CEP43: variants seen among roughly 807,000 people sequenced by gnomAD.
The protein encoded by CEP43 is FGFR1 oncogene partner.
A neutral mutation model predicts 52.6 loss-of-function variants in CEP43; 36 were observed. The observed-to-expected ratio is 0.68, with a 90% CI of 0.52 to 0.90. CEP43 has a LOEUF of 0.90. Among genes scored for constraint, CEP43 ranks in the 40% least tolerant of loss-of-function variants. The pLI is 0.00. For synonymous variants in CEP43, 192 were observed against 172.4 expected, an observed-to-expected ratio of 1.11 and a Z score of -0.89; for missense variants, 506 against 472.8, an observed-to-expected ratio of 1.07 and a Z score of -0.65.
chr6:167,031,390 A>C (rs78566491), intron 10 of CEP43, among the ~76,000 whole-genome samples: 1 of 152,148 alleles, frequency 6.6e-6, no homozygotes, highest in Non-Finnish European at 1.5e-5. Flanking sequence ...GGTTTGTTCC[A>C]CTGTTCCTCT....
chr6:167,002,564 G>A (rs1562522171), intron 2 of CEP43, among the ~76,000 whole-genome samples: 1 of 152,158 alleles, frequency 6.6e-6, no homozygotes, highest in Admixed American at 6.5e-5. Context: ...GTCCAAACTC[G>A]TTATGCCATT....
chr6:167,041,384 A>T lies in CEP43; in HGVS notation c.*1406A>T, dbSNP rs969545607. 113 of 1,060,786 alleles carry T rather than the reference A, an allele frequency of 1.1e-4. No individual in the cohort carries two copies. Among genetic ancestry groups the T allele is most frequent in the Non-Finnish European group, 1.2e-4 (106 of 876,426 alleles). 65.7% of individuals were successfully genotyped at this position (1,060,786 alleles called of 1,614,324 possible). A position where few individuals can be genotyped will look rare whatever the true frequency, so the allele number is the denominator to read the frequency against. ...AGTAGGACATAAACTGGGCCGGTAC[A>T]GCCTGGGAGCCCTGTGTATTTCTGC... On this transcript the variant is annotated 3_prime_UTR_variant, in exon 13 of 13. Transcript: ENST00000366847.
Position 167,044,872 on chromosome 6 carries a change from G to C in CEP43, c.*4894G>C, listed in dbSNP as rs1349900793. Reference sequence around the variant, plus strand: ...GGCAAGGTTTGCCCTCTGCACACCAGACCGGCTTCCCAAGAACCGGGGAAG... The same window carrying C: ...GGCAAGGTTTGCCCTCTGCACACCACACCGGCTTCCCAAGAACCGGGGAAG... On this transcript the variant is annotated 3_prime_UTR_variant, in exon 13 of 13. Coordinates refer to ENST00000366847, the MANE Select transcript of CEP43 (RefSeq NM_007045.4). 6.6e-6 allele frequency: 1 copy of C among 152,468 alleles called. No individual in the cohort carries two copies. Among genetic ancestry groups the C allele is most frequent in the East Asian group, 1.9e-4 (1 of 5,194 alleles). 9.4% of individuals were successfully genotyped at this position (152,468 alleles called of 1,614,324 possible). A position where few individuals can be genotyped will look rare whatever the true frequency, so the allele number is the denominator to read the frequency against.
intron 5 of CEP43, among the ~76,000 whole-genome samples, chr6:167,010,538 A>G (rs1245467561): frequency 6.6e-6 from 1 of 152,194 alleles, no homozygotes; most frequent in Non-Finnish European, 1.5e-5. Flanking sequence ...AAATCCTGGA[A>G]TGGTAGACCT....
intron 5 of CEP43, among the ~76,000 whole-genome samples, chr6:167,007,509 G>T (rs773462087): frequency 6.6e-6 from 1 of 152,004 alleles, no homozygotes; most frequent in Non-Finnish European, 1.5e-5. Flanking sequence ...TTAATAGTTT[G>T]TGCATATGTA....
intron 6 of CEP43, among the ~76,000 whole-genome samples, chr6:167,011,238 A>G (rs148732132): frequency 8.5e-5 from 13 of 152,208 alleles, no homozygotes; most frequent in Non-Finnish European, 1.6e-4. Flanking sequence ...TAAGCTAGAA[A>G]TATGTATTAT....
Position 167,024,847 on chromosome 6 carries a change from G to A in CEP43, c.872G>A (p.Ser291Asn). 1 of 1,612,470 alleles carries A rather than the reference G, an allele frequency of 6.2e-7. No homozygotes were observed. The change falls in exon 9 of 13, where the codon AGT (serine) becomes AAT (asparagine). Residue 291 changes from serine to asparagine, a missense_variant. Physicochemically the swap from Ser to Asn is conservative, Grantham distance 46 (BLOSUM62 1). Transcript: ENST00000366847. ...CTCTCGGATGCACCCCCCTTAAAAA[G>A]TGGACTCAGCTCCCTGGCGGGAGCC... is the stretch of plus-strand genomic sequence containing the variant. ...ASLSDAPPLK[S>N]GLSSLAGAPS...
At chr6:167,013,833 C>T (rs1466704923) in intron 7 of CEP43, among the ~76,000 whole-genome samples, 5 of 152,112 alleles carry the variant, frequency 3.3e-5, no homozygotes, top group African/African-American at 9.7e-5. Flanking sequence ...ATTAGCCGGC[C>T]GTGGTGGTGT....
Position 167,040,401 on chromosome 6 carries a change from G to C in CEP43, c.*423G>C. ...CTGGAATCAGAGCTTACCCACCATAGTATATTTTGATATTAGGTGGTTCTA... is the reference window on the plus strand; with the variant it reads ...CTGGAATCAGAGCTTACCCACCATACTATATTTTGATATTAGGTGGTTCTA... On this transcript the variant is annotated 3_prime_UTR_variant, in exon 13 of 13. Transcript: ENST00000366847. 7.6e-7 allele frequency: 1 copy of C among 1,310,810 alleles called. No homozygotes were observed. Among genetic ancestry groups the C allele is most frequent in the Non-Finnish European group, 9.7e-7 (1 of 1,029,888 alleles). 81.2% of individuals were successfully genotyped at this position (1,310,810 alleles called of 1,614,324 possible).
At chr6:167,038,287 C>G (rs162294) in intron 12 of CEP43, among the ~76,000 whole-genome samples, 3 of 151,490 alleles carry the variant, frequency 2.0e-5, no homozygotes, top group Non-Finnish European at 4.4e-5. Context: ...CTCCATGGGC[C>G]GTCCTGTCTG....
At chr6:167,036,258 T>C in intron 12 of CEP43, 1 of 985,392 alleles carries the variant, frequency 1.0e-6, no homozygotes, top group Non-Finnish European at 1.2e-6. Flanking sequence ...AGGAACATGG[T>C]AAGCTCCATG....
chr6:167,022,437 A>G lies in CEP43; in HGVS notation c.608A>G (p.Asp203Gly), dbSNP rs1406631764. 1 of 1,613,970 alleles carries G rather than the reference A, an allele frequency of 6.2e-7. No homozygotes were observed. Among genetic ancestry groups the G allele is most frequent in the Admixed American group, 1.7e-5 (1 of 60,018 alleles). The part of the protein sequence containing the change: ...KKANDEANQS[D>G]TSVSLSEPKS... The stretch of plus-strand genomic sequence containing the variant: ...GCCAATGATGAGGCCAATCAGAGTG[A>G]TACAAGTGTCTCCTTGTCAGAACCC... Residue 203 changes from aspartate to glycine, a missense_variant, in exon 8 of 13, where the codon GAT (aspartate) becomes GGT (glycine). Physicochemically the swap from Asp to Gly is moderately conservative, Grantham distance 94. Coordinates refer to ENST00000366847, the MANE Select transcript of CEP43 (RefSeq NM_007045.4).
At chr6:167,000,135 A>T (rs1474682267) in intron 2 of CEP43, 22 bp downstream of exon 2, 2 of 1,569,160 alleles carry the variant, frequency 1.3e-6, no homozygotes, top group Non-Finnish European at 1.7e-6. Context: ...CCAGATTTTA[A>T]CATGGCTGTA....
intron 5 of CEP43, 31 bp downstream of exon 5, chr6:167,004,432 T>C (rs1339850630): frequency 9.7e-6 from 15 of 1,552,058 alleles, no homozygotes; most frequent in Non-Finnish European, 1.3e-5. Flanking sequence ...TCTTTTTCTA[T>C]TTTAATTATT....
intron 10 of CEP43, among the ~76,000 whole-genome samples, chr6:167,028,760 A>G (rs774117952): frequency 2.6e-5 from 4 of 152,156 alleles, no homozygotes; most frequent in Non-Finnish European, 5.9e-5. Flanking sequence ...TAGAGTCCTG[A>G]TGCATCACAC....
chr6:167,008,001 C>G (rs1024499420), intron 5 of CEP43, among the ~76,000 whole-genome samples: 1 of 152,200 alleles, frequency 6.6e-6, no homozygotes, highest in African/African-American at 2.4e-5. Flanking sequence ...TCAGCCCTTC[C>G]TCTGTTCCTT....
intron 8 of CEP43, among the ~76,000 whole-genome samples, chr6:167,023,100 G>A (rs992385279): frequency 6.6e-6 from 1 of 152,210 alleles, no homozygotes; most frequent in Non-Finnish European, 1.5e-5. Flanking sequence ...GCTAGAGGAG[G>A]TAAGGGAGTT....
chr6:167,001,409 C>T (rs553685984), intron 2 of CEP43, among the ~76,000 whole-genome samples: 3 of 152,112 alleles, frequency 2.0e-5, no homozygotes, highest in East Asian at 1.9e-4. Context: ...CTTTTAATAC[C>T]GCTGTGGTTT....
chr6:167,034,213 G>A (rs1252024736), intron 12 of CEP43, among the ~76,000 whole-genome samples: 1 of 152,108 alleles, frequency 6.6e-6, no homozygotes, highest in Non-Finnish European at 1.5e-5. Flanking sequence ...TTATTCCTGG[G>A]GCACTGGGAT....
Sources: gnomAD v4.1 joint callset for allele counts (sites outside exome capture counted in the v4.1 genomes callset) on GRCh38, gnomAD v4.1.1 for gene constraint, MANE v1.5 for transcripts, NCBI Gene and HGNC (gene_info 2026-07-23, HGNC 2026-07-21) for gene names.